LOC128125817: variants seen among roughly 807,000 people sequenced by gnomAD.
the LOC128125817 span, among the ~76,000 whole-genome samples, chr1:41,603,317 C>T: frequency 1.3e-5 from 2 of 152,052 alleles, no homozygotes. Flanking sequence ...ATCCACCCAC[C>T]TCGGCCTCCC....
the LOC128125817 span, among the ~76,000 whole-genome samples, chr1:41,616,568 AC>A: frequency 7.0e-5 from 6 of 85,532 alleles, no homozygotes; most frequent in African/African-American, 3.1e-4. Context: ...AATAGCAATT[AC>A]TTTTTTTTTT....
chr1:41,628,413 C>T, the LOC128125817 span, among the ~76,000 whole-genome samples: 3 of 152,172 alleles, frequency 2.0e-5, no homozygotes, highest in South Asian at 2.1e-4. Context: ...CTTGTGGAGG[C>T]TGTGGCCCCT....
the LOC128125817 span, among the ~76,000 whole-genome samples, chr1:41,586,777 A>G: frequency 4.6e-5 from 7 of 152,216 alleles, no homozygotes; most frequent in African/African-American, 1.7e-4. Context: ...GCTAAAAAGC[A>G]TATCCTCTAA....
At chr1:41,605,608 A>AGGG in the LOC128125817 span, among the ~76,000 whole-genome samples, 152 of 152,220 alleles carry the variant, frequency 1.0e-3, no homozygotes, top group Middle Eastern at 0.01. Context: ...GGTTCCCAGT[A>AGGG]CAGGTTGGGA....
chr1:41,611,674 A>G, the LOC128125817 span, among the ~76,000 whole-genome samples: 1 of 152,248 alleles, frequency 6.6e-6, no homozygotes, highest in African/African-American at 2.4e-5. Flanking sequence ...TCAAGGAAGC[A>G]AGGGAAAACT....
the LOC128125817 span, among the ~76,000 whole-genome samples, chr1:41,625,451 GC>G: frequency 6.6e-6 from 1 of 152,200 alleles, no homozygotes; most frequent in South Asian, 2.1e-4. Flanking sequence ...CCTGGATTAG[GC>G]CCACAGGCAA....
chr1:41,607,748 CA>C, the LOC128125817 span, among the ~76,000 whole-genome samples: 2 of 152,328 alleles, frequency 1.3e-5, no homozygotes, highest in Non-Finnish European at 2.9e-5. Flanking sequence ...GCTCCTATAA[CA>C]AGGACCTAAC....
the LOC128125817 span, among the ~76,000 whole-genome samples, chr1:41,622,722 T>C: frequency 0.064 from 9,775 of 152,232 alleles, 875 homozygotes; most frequent in East Asian, 0.41. Context: ...GTCAGATTTG[T>C]GTTTCACGTT....
the LOC128125817 span, among the ~76,000 whole-genome samples, chr1:41,623,017 C>T: frequency 3.9e-4 from 59 of 152,332 alleles, 1 homozygote; most frequent in East Asian, 0.011. Context: ...CCCAAGGTCA[C>T]GCAGCCAGTA....
At chr1:41,590,033 C>G in the LOC128125817 span, among the ~76,000 whole-genome samples, 6 of 152,356 alleles carry the variant, frequency 3.9e-5, no homozygotes, top group South Asian at 1.2e-3. Context: ...CTAAAAATCT[C>G]TGTGTACAAC....
At chr1:41,597,199 GTA>G in the LOC128125817 span, among the ~76,000 whole-genome samples, 1 of 152,146 alleles carries the variant, frequency 6.6e-6, no homozygotes, top group African/African-American at 2.4e-5. Context: ...GACCCGGCTG[GTA>G]TTTGTCTTCC....
the LOC128125817 span, among the ~76,000 whole-genome samples, chr1:41,616,569 CTTT>C: frequency 1.6e-5 from 2 of 127,722 alleles, no homozygotes; most frequent in Non-Finnish European, 1.6e-5. Context: ...ATAGCAATTA[CTTT>C]TTTTTTTTTT....
chr1:41,587,955 G>A, the LOC128125817 span, among the ~76,000 whole-genome samples: 3 of 152,202 alleles, frequency 2.0e-5, no homozygotes, highest in Non-Finnish European at 4.4e-5. Flanking sequence ...GAATTGTCTA[G>A]CATCTGAACA....
chr1:41,601,747 T>C, the LOC128125817 span, among the ~76,000 whole-genome samples: 3 of 152,220 alleles, frequency 2.0e-5, no homozygotes, highest in Non-Finnish European at 2.9e-5. Context: ...GCCTAATTGC[T>C]CTGGCTAGGA....
the LOC128125817 span, among the ~76,000 whole-genome samples, chr1:41,601,576 T>A: frequency 6.6e-6 from 1 of 152,184 alleles, no homozygotes. Flanking sequence ...GAAATGCCAC[T>A]GATTTTTGTA....
the LOC128125817 span, among the ~76,000 whole-genome samples, chr1:41,623,390 G>T: frequency 2.6e-5 from 4 of 152,236 alleles, no homozygotes; most frequent in Admixed American, 2.0e-4. Context: ...ACTAAGCTTA[G>T]CACACACTTG....
At chr1:41,593,105 G>A in the LOC128125817 span, among the ~76,000 whole-genome samples, 2 of 152,230 alleles carry the variant, frequency 1.3e-5, no homozygotes, top group African/African-American at 4.8e-5. Context: ...CGACAGAACA[G>A]AAATGCTGGG....
chr1:41,589,555 G>C, the LOC128125817 span, among the ~76,000 whole-genome samples: 1 of 152,238 alleles, frequency 6.6e-6, no homozygotes, highest in East Asian at 1.9e-4. Flanking sequence ...CATGACCATG[G>C]CCCAGGGTGG....
At chr1:41,608,199 C>A in the LOC128125817 span, among the ~76,000 whole-genome samples, 2 of 152,174 alleles carry the variant, frequency 1.3e-5, no homozygotes, top group Non-Finnish European at 2.9e-5. Context: ...TGGAAAGGTT[C>A]CCTGCAGGAG....
Sources: gnomAD v4.1 joint callset for allele counts (sites outside exome capture counted in the v4.1 genomes callset) on GRCh38, gnomAD v4.1.1 for gene constraint, MANE v1.5 for transcripts.